Variants in VWA8 observed in about 807,000 individuals in gnomAD.
VWA8 encodes von Willebrand factor A domain-containing protein 8.
A neutral mutation model predicts 241.5 loss-of-function variants in VWA8; 221 were observed. The ratio of observed to expected loss-of-function variants is 0.91; its 90% CI spans 0.82 to 1.02. VWA8 has a LOEUF of 1.02. VWA8 is among the 50% of genes least tolerant of loss of function. The pLI, the probability that VWA8 is intolerant of heterozygous loss-of-function variation, is 0.00. For missense variants in VWA8, 2,322 were observed against 2,328.7 expected (o/e 1.00, Z 0.06); for synonymous variants, 852 against 827.1 (o/e 1.03, Z -0.52).
At chr13:41,771,504 A>G (rs1205110282) in intron 20 of VWA8, among the ~76,000 whole-genome samples, 1 of 152,240 alleles carries the variant, frequency 6.6e-6, no homozygotes, top group Non-Finnish European at 1.5e-5. Flanking sequence ...CAAATATCTG[A>G]TAAAGAGCAA....
intron 2 of VWA8, among the ~76,000 whole-genome samples, chr13:41,918,489 A>G (rs1011166403): frequency 6.6e-6 from 1 of 152,244 alleles, no homozygotes; most frequent in African/African-American, 2.4e-5. Context: ...GTTTGTATAG[A>G]AAAATGCAAG....
At chr13:41,886,925 G>A (rs895982271) in intron 6 of VWA8, 95 bp from the exon 7 acceptor site, 4 of 1,000,736 alleles carry the variant, frequency 4.0e-6, no homozygotes, top group Non-Finnish European at 5.9e-6. Flanking sequence ...TTTTAATTAA[G>A]CAGACACTAA....
intron 35 of VWA8, among the ~76,000 whole-genome samples, chr13:41,682,732 C>T (rs2045109425): frequency 6.6e-6 from 1 of 152,094 alleles, no homozygotes; most frequent in South Asian, 2.1e-4. Flanking sequence ...GGCAACAGAG[C>T]AAGACCTTGT....
intron 31 of VWA8, 105 bp from the exon 32 acceptor site, chr13:41,691,550 T>G: frequency 7.3e-7 from 1 of 1,379,122 alleles, no homozygotes; most frequent in South Asian, 1.6e-5. Context: ...AAAAAGAATG[T>G]TTTAAGATTA....
chr13:41,660,382 T>G (rs1593680860), intron 37 of VWA8, among the ~76,000 whole-genome samples: 1 of 152,080 alleles, frequency 6.6e-6, no homozygotes, highest in Non-Finnish European at 1.5e-5. Context: ...TCCCAAAGTG[T>G]TGGGATTACA....
At chr13:41,837,401 T>C (rs1446154581) in intron 12 of VWA8, among the ~76,000 whole-genome samples, 2 of 152,190 alleles carry the variant, frequency 1.3e-5, no homozygotes, top group African/African-American at 4.8e-5. Context: ...GTATTTTCAA[T>C]TGTGTGAAAG....
intron 20 of VWA8, among the ~76,000 whole-genome samples, chr13:41,773,806 C>T (rs1868448543): frequency 6.6e-6 from 1 of 152,166 alleles, no homozygotes; most frequent in African/African-American, 2.4e-5. Context: ...ATTTAATTAG[C>T]TAAATACTAA....
intron 2 of VWA8, among the ~76,000 whole-genome samples, chr13:41,935,503 A>G (rs1249781541): frequency 6.6e-6 from 1 of 152,156 alleles, no homozygotes; most frequent in Non-Finnish European, 1.5e-5. Context: ...ATAGATGTAT[A>G]TGTTAATAAA....
chr13:41,738,799 A>AT (rs1566435902), intron 21 of VWA8, among the ~76,000 whole-genome samples: 1 of 152,064 alleles, frequency 6.6e-6, no homozygotes, highest in South Asian at 2.1e-4. Context: ...TTTTCTAATC[A>AT]TTTTTTTGAA....
chr13:41,806,030 A>G (rs538000154), intron 17 of VWA8, among the ~76,000 whole-genome samples: 1 of 151,424 alleles, frequency 6.6e-6, no homozygotes, highest in Admixed American at 6.6e-5. Context: ...AATGATGTCA[A>G]GTATCTTCTG....
At chr13:41,734,094 C>A (rs929933352) in intron 21 of VWA8, among the ~76,000 whole-genome samples, 3 of 152,114 alleles carry the variant, frequency 2.0e-5, no homozygotes, top group African/African-American at 7.2e-5. Flanking sequence ...AATCCCGGCA[C>A]TTTGTGAGGC....
intron 26 of VWA8, chr13:41,719,328 C>T (rs938220614): frequency 1.6e-6 from 2 of 1,278,656 alleles, no homozygotes; most frequent in African/African-American, 1.5e-5. Flanking sequence ...AACAAAAGGA[C>T]TGAGACTGTT....
At position 41,961,054 on chromosome 13, in the gene VWA8, G is replaced by C; in HGVS notation, c.-39C>G. 1 of 1,354,858 alleles carries C rather than the reference G, an allele frequency of 7.4e-7. No individual in the cohort carries two copies. The allele number at this position is 1,354,858 out of a possible 1,614,324, so 83.9% of individuals were successfully genotyped here. A position where few individuals can be genotyped will look rare whatever the true frequency, so the allele number is the denominator to read the frequency against. On this transcript the variant is annotated 5_prime_UTR_variant, in exon 1 of 45. Coordinates refer to ENST00000379310, the MANE Select transcript of VWA8 (RefSeq NM_015058.2). The stretch of plus-strand genomic sequence containing the variant: ...CTGTCGGGGACGGCGAGGGGGCTCG[G>C]GGATCGAGCGGCGTCCCGTGCAGGC...
At position 41,590,546 on chromosome 13, in the gene VWA8, G is replaced by A. The variant is rs1488176696; in HGVS notation, c.5112+94C>T. On this transcript the variant is annotated intron_variant, in intron 41 of 44. Transcript: ENST00000379310. ...TGCTTTCCTTGGTTACCATATTCAG[G>A]ATTTGTGATATTTTGACACAACTCA... 6.4e-6 allele frequency: 8 copies of A among 1,257,606 alleles called. No homozygotes were observed. In the East Asian group the frequency reaches 1.8e-4, roughly 28 times the overall value. The allele number at this position is 1,257,606 out of a possible 1,614,324, so 77.9% of individuals were successfully genotyped here.
At chr13:41,936,468 G>A (rs962626895) in intron 2 of VWA8, among the ~76,000 whole-genome samples, 4 of 152,110 alleles carry the variant, frequency 2.6e-5, no homozygotes, top group African/African-American at 7.2e-5. Flanking sequence ...CATTAAAAAT[G>A]TGATTTTTAA....
chr13:41,653,216 T>A (rs1456222761), intron 37 of VWA8, among the ~76,000 whole-genome samples: 1 of 152,182 alleles, frequency 6.6e-6, no homozygotes, highest in African/African-American at 2.4e-5. Flanking sequence ...AAACTGCCTG[T>A]TATAAATTAA....
intron 38 of VWA8, among the ~76,000 whole-genome samples, chr13:41,612,088 C>T (rs929596870): frequency 3.3e-5 from 5 of 152,088 alleles, no homozygotes; most frequent in South Asian, 2.1e-4. Context: ...TTTGCACTAC[C>T]GCACCTATAA....
chr13:41,882,271 C>T (rs1389203886), intron 9 of VWA8, among the ~76,000 whole-genome samples: 1 of 151,176 alleles, frequency 6.6e-6, no homozygotes, highest in Non-Finnish European at 1.5e-5. Context: ...GCGCTCGTCA[C>T]TTCCTAGATG....
chr13:41,946,412 C>G (rs1000132035), intron 2 of VWA8, among the ~76,000 whole-genome samples: 1 of 152,072 alleles, frequency 6.6e-6, no homozygotes, highest in African/African-American at 2.4e-5. Flanking sequence ...GTTTGTAACT[C>G]TTTTCTTCTA....
Sources: gnomAD v4.1 joint callset for allele counts (sites outside exome capture counted in the v4.1 genomes callset) on GRCh38, gnomAD v4.1.1 for gene constraint, MANE v1.5 for transcripts, NCBI Gene and HGNC (gene_info 2026-07-23, HGNC 2026-07-21) for gene names.